Variants in CLSTN2 observed in about 807,000 individuals in gnomAD.
CLSTN2 encodes calsyntenin-2.
CLSTN2 carries 48 observed loss-of-function variants against 101.2 expected under a neutral mutation model. The observed-to-expected ratio is 0.47, with a 90% CI of 0.38 to 0.60. CLSTN2 has a LOEUF of 0.60. Among genes scored for constraint, CLSTN2 ranks in the 20% least tolerant of loss-of-function variants. The pLI is 0.00. For missense variants in CLSTN2, 1,160 were observed against 1,238.2 expected (o/e 0.94, Z 0.95); for synonymous variants, 481 against 463.6 (o/e 1.04, Z -0.48).
intron 10 of CLSTN2, among the ~76,000 whole-genome samples, chr3:140,555,527 T>C (rs1184435750): frequency 1.3e-5 from 2 of 152,200 alleles, no homozygotes; most frequent in Non-Finnish European, 2.9e-5. Flanking sequence ...ATGTGTACAT[T>C]TGAACCATGT....
intron 2 of CLSTN2, among the ~76,000 whole-genome samples, chr3:140,253,587 C>T (rs559104981): frequency 1.3e-5 from 2 of 152,200 alleles, no homozygotes; most frequent in African/African-American, 2.4e-5. Flanking sequence ...TTTCCTGACA[C>T]GGAAGAGTGT....
In CLSTN2 at chr3:140,329,397, T is replaced by A. The variant is rs1206617032; in HGVS notation, c.233-74232T>A. Reference sequence around the variant, plus strand: ...TGAGACTGTCTCCTAAATAAATAAATATAGATGTCTTCTGTATCTTTTGAC... The same window carrying A: ...TGAGACTGTCTCCTAAATAAATAAAAATAGATGTCTTCTGTATCTTTTGAC... On this transcript the variant is annotated intron_variant, in intron 2 of 16. Transcript: ENST00000458420. Among the ~76,000 whole-genome samples the A allele has an allele frequency of 2.0e-5, 3 of 152,242 alleles. No homozygotes were observed. The East Asian group carries it at 5.8e-4, about 29-fold the overall frequency.
At position 140,155,956 on chromosome 3, in the gene CLSTN2, ATT is replaced by A. The variant is rs11359814; in HGVS notation, c.110-19986_110-19985del. On this transcript the variant is annotated intron_variant, in intron 1 of 16. Coordinates refer to ENST00000458420, the MANE Select transcript of CLSTN2 (RefSeq NM_022131.3). ...AATATCCTTAGCCATGCTTTCTCTC[ATT>A]TTTTTTTTCCCATTCAGACAGATTT... Among the ~76,000 whole-genome samples the A allele has an allele frequency of 1.3e-3, 197 of 151,520 alleles. 2 individuals are homozygous for A. The highest frequency in any genetic ancestry group is 2.4e-3 in the Non-Finnish European group (160 of 67,880).
rs1405157971 is a variant in CLSTN2 at position 140,349,006 on chromosome 3, A to T, written c.233-54623A>T. ...ATCTTTAATTATAATCCAAATTGTA[A>T]CCCCCACATGTTGCAAGAAAAATCT... On this transcript the variant is annotated intron_variant, in intron 2 of 16. Coordinates refer to ENST00000458420, the MANE Select transcript of CLSTN2 (RefSeq NM_022131.3). Among the ~76,000 whole-genome samples, 4 of 151,920 alleles carry T rather than the reference A, an allele frequency of 2.6e-5. No individual in the cohort carries two copies. In the South Asian group the frequency reaches 6.3e-4, roughly 24 times the overall value.
chr3:139,998,236 A>C (rs1343493245), intron 1 of CLSTN2, among the ~76,000 whole-genome samples: 1 of 151,430 alleles, frequency 6.6e-6, no homozygotes, highest in Admixed American at 6.6e-5. Flanking sequence ...ACCTGACTCT[A>C]CATTCTTGCA....
intron 15 of CLSTN2, 73 bp downstream of exon 15, chr3:140,563,276 C>T (rs150429678): frequency 1.4e-4 from 219 of 1,528,420 alleles, no homozygotes; most frequent in Admixed American, 3.5e-4. Context: ...ACTCAACAGA[C>T]GGTTATGTTG....
At chr3:140,459,486 T>C in intron 6 of CLSTN2, 35 bp from the exon 7 acceptor site, 1 of 1,609,984 alleles carries the variant, frequency 6.2e-7, no homozygotes, top group Non-Finnish European at 8.5e-7. Context: ...CACCGCATCA[T>C]GACCTGTTAT....
chr3:140,366,282 A>T (rs1171646038), intron 2 of CLSTN2, among the ~76,000 whole-genome samples: 1 of 152,218 alleles, frequency 6.6e-6, no homozygotes, highest in Non-Finnish European at 1.5e-5. Flanking sequence ...GTCTGGGGGT[A>T]GGGAGAAGGT....
intron 3 of CLSTN2, among the ~76,000 whole-genome samples, chr3:140,404,354 G>C (rs2088279604): frequency 6.6e-6 from 1 of 152,234 alleles, no homozygotes; most frequent in African/African-American, 2.4e-5. Context: ...CTCTGGGATG[G>C]ATTCATCTCA....
chr3:140,355,096 G>C (rs1185839620), intron 2 of CLSTN2, among the ~76,000 whole-genome samples: 2 of 152,186 alleles, frequency 1.3e-5, no homozygotes, highest in Non-Finnish European at 2.9e-5. Flanking sequence ...GTTATCAGAA[G>C]ACCAGATGAG....
chr3:140,341,454 A>G (rs531765812), intron 2 of CLSTN2, among the ~76,000 whole-genome samples: 23 of 152,338 alleles, frequency 1.5e-4, no homozygotes, highest in African/African-American at 5.3e-4. Flanking sequence ...GAGCAGGCCC[A>G]TAAATCAGCC....
intron 1 of CLSTN2, among the ~76,000 whole-genome samples, chr3:139,970,623 C>T (rs970404274): frequency 7.2e-5 from 11 of 152,140 alleles, no homozygotes; most frequent in African/African-American, 2.7e-4. Context: ...AATGGCTTTG[C>T]GTGCCTCATC....
intron 9 of CLSTN2, among the ~76,000 whole-genome samples, chr3:140,537,947 T>C (rs1935390098): frequency 6.6e-6 from 1 of 152,180 alleles, no homozygotes; most frequent in African/African-American, 2.4e-5. Flanking sequence ...TTCCAGGAGA[T>C]GCTGCAGCAC....
chr3:140,380,031 G>A (rs987968993), intron 2 of CLSTN2, among the ~76,000 whole-genome samples: 13 of 152,130 alleles, frequency 8.5e-5, no homozygotes, highest in Non-Finnish European at 1.8e-4. Flanking sequence ...ACTACTATAA[G>A]TGATACTGAA....
In CLSTN2 at chr3:140,013,275, G is replaced by C. The variant is rs567405143; in HGVS notation, c.109+77792G>C. 1.7e-4 allele frequency among the ~76,000 whole-genome samples: 26 copies of C among 152,370 alleles called. 1 individual carries two copies. Among genetic ancestry groups the C allele is most frequent in the African/African-American group, 4.6e-4 (19 of 41,590 alleles). The stretch of plus-strand genomic sequence containing the variant: ...AATCCATGAATCTAATTGTGAGTGA[G>C]AGAAAGCCCATATGGGCCTGAAGCT... On this transcript the variant is annotated intron_variant, in intron 1 of 16. Coordinates refer to ENST00000458420, the MANE Select transcript of CLSTN2 (RefSeq NM_022131.3).
chr3:140,097,482 C>G (rs1159595083), intron 1 of CLSTN2, among the ~76,000 whole-genome samples: 1 of 152,126 alleles, frequency 6.6e-6, no homozygotes, highest in Admixed American at 6.5e-5. Context: ...TAACTATGTG[C>G]CCTTGAAGAG....
intron 8 of CLSTN2, among the ~76,000 whole-genome samples, chr3:140,491,244 G>A (rs1179030176): frequency 1.3e-5 from 2 of 152,086 alleles, no homozygotes; most frequent in African/African-American, 4.8e-5. Context: ...CCACTGCCTT[G>A]CTAAGACACA....
intron 10 of CLSTN2, among the ~76,000 whole-genome samples, chr3:140,552,373 C>A (rs1456812956): frequency 6.7e-6 from 1 of 149,048 alleles, no homozygotes; most frequent in Non-Finnish European, 1.5e-5. Context: ...ATCAGAAACC[C>A]ACCCACAGAG....
intron 1 of CLSTN2, among the ~76,000 whole-genome samples, chr3:139,971,972 AACAAGTTTGAGCCAGG>A: frequency 6.6e-6 from 1 of 152,106 alleles, no homozygotes; most frequent in Non-Finnish European, 1.5e-5. Flanking sequence ...TCCTTAAAAG[AACAAGTTTGAGCCAGG>A]CGTGGTGGCT....
Sources: gnomAD v4.1 joint callset for allele counts (sites outside exome capture counted in the v4.1 genomes callset) on GRCh38, gnomAD v4.1.1 for gene constraint, MANE v1.5 for transcripts, NCBI Gene and HGNC (gene_info 2026-07-23, HGNC 2026-07-21) for gene names.